Variants in AK9 observed in about 807,000 individuals in gnomAD.
AK9 encodes the protein adenylate kinase domain containing 1.
In AK9, 191 loss-of-function variants were observed where a neutral mutation model predicts 239.6. The ratio of observed to expected loss-of-function variants is 0.80; its 90% CI spans 0.71 to 0.90. The LOEUF (loss-of-function observed/expected upper bound fraction) is 0.90. Ranked by LOEUF, AK9 falls within the 40% of genes least tolerant of loss-of-function variation. The pLI is 0.00. For synonymous variants in AK9, 689 were observed against 721.0 expected, an observed-to-expected ratio of 0.96 and a Z score of 0.71; for missense variants, 1,995 against 2,214.7, an observed-to-expected ratio of 0.90 and a Z score of 1.99.
At chr6:109,639,762 T>C (rs1797168298) in intron 10 of AK9, among the ~76,000 whole-genome samples, 1 of 152,250 alleles carries the variant, frequency 6.6e-6, no homozygotes, top group South Asian at 2.1e-4. Flanking sequence ...GGTTTGCTTC[T>C]AGGGTTTTTA....
intron 21 of AK9, among the ~76,000 whole-genome samples, chr6:109,567,189 T>C (rs1362980270): frequency 6.6e-6 from 1 of 151,942 alleles, no homozygotes; most frequent in African/African-American, 2.4e-5. Flanking sequence ...CTAGCAAGAC[T>C]AATGAAGAAG....
chr6:109,533,201 T>C (rs1309862583), intron 28 of AK9, 50 bp downstream of exon 28: 2 of 1,428,334 alleles, frequency 1.4e-6, no homozygotes, highest in Non-Finnish European at 1.9e-6. Flanking sequence ...AATAGATCAC[T>C]AAACAGATGC....
chr6:109,599,007 T>C (rs1309882172), intron 17 of AK9, among the ~76,000 whole-genome samples: 4 of 152,226 alleles, frequency 2.6e-5, no homozygotes, highest in African/African-American at 9.6e-5. Flanking sequence ...GCAAAAATTT[T>C]CTCCCATTCT....
chr6:109,565,488 T>TAAAC (rs1286599519), intron 21 of AK9, among the ~76,000 whole-genome samples: 3,844 of 101,894 alleles, frequency 0.038, 62 homozygotes, highest in South Asian at 0.094. Flanking sequence ...AAAAAAAATT[T>TAAAC]TTTTTCAAGA....
At chr6:109,613,383 AT>A (rs1793803896) in intron 15 of AK9, among the ~76,000 whole-genome samples, 1 of 151,996 alleles carries the variant, frequency 6.6e-6, no homozygotes, top group African/African-American at 2.4e-5. Flanking sequence ...AAGAAGAAAT[AT>A]AAATGGTTAA....
intron 12 of AK9, among the ~76,000 whole-genome samples, chr6:109,625,403 T>C (rs1294218828): frequency 2.0e-5 from 3 of 152,186 alleles, no homozygotes; most frequent in Admixed American, 1.3e-4. Context: ...CTATTTAACA[T>C]ATCAATTTTT....
At position 109,533,237 on chromosome 6, in the gene AK9, T is replaced by C. The variant is rs1448324005; in HGVS notation, c.3570+14A>G. 6.4e-7 allele frequency: 1 copy of C among 1,573,472 alleles called. No homozygotes were observed. Among genetic ancestry groups the C allele is most frequent in the Non-Finnish European group, 8.6e-7 (1 of 1,156,948 alleles). ...TGAACAGATTTATTCAATGCATTTT[T>C]GCTAGATACATACCCTGATTTTTGC... On this transcript the variant is annotated intron_variant, in intron 28 of 40. Transcript: ENST00000424296.
chr6:109,689,908 T>C (rs182235149), intron 1 of AK9, among the ~76,000 whole-genome samples: 1 of 152,172 alleles, frequency 6.6e-6, no homozygotes, highest in Non-Finnish European at 1.5e-5. Flanking sequence ...CAGCTAACTA[T>C]TTTTCCCAGT....
chr6:109,495,264 A>C, intron 39 of AK9, 74 bp downstream of exon 39: 1 of 1,200,966 alleles, frequency 8.3e-7, no homozygotes, highest in Non-Finnish European at 1.2e-6. Context: ...TGTTCCCAAA[A>C]TGAAAATTAG....
At chr6:109,605,952 T>G (rs79529620) in intron 17 of AK9, among the ~76,000 whole-genome samples, 4 of 152,138 alleles carry the variant, frequency 2.6e-5, no homozygotes, top group Non-Finnish European at 4.4e-5. Flanking sequence ...GGCTGGGGAC[T>G]GTGCCTGTTG....
intron 26 of AK9, among the ~76,000 whole-genome samples, 170 bp downstream of exon 26, chr6:109,545,697 T>C (rs903183716): frequency 2.0e-5 from 3 of 152,094 alleles, no homozygotes; most frequent in Non-Finnish European, 4.4e-5. Context: ...AATGGACTAA[T>C]ACACCAAGGC....
intron 20 of AK9, among the ~76,000 whole-genome samples, chr6:109,579,055 G>C (rs1788484225): frequency 6.7e-6 from 1 of 148,680 alleles, no homozygotes; most frequent in South Asian, 2.3e-4. Flanking sequence ...TTTGCTCTAG[G>C]GTGTAGTTTA....
Position 109,493,544 on chromosome 6 carries a change from G to A in AK9, c.5561C>T (p.Thr1854Ile). The change falls in exon 41 of 41, where the codon ACA (threonine) becomes ATA (isoleucine). Residue 1854 changes from threonine to isoleucine, a missense_variant. Physicochemically the swap from Thr to Ile is moderately conservative, Grantham distance 89. Around this residue, in one of 5 missense-constraint regions of AK9, gnomAD observed 391 missense variants for 456.0 expected, o/e 0.86. Coordinates refer to ENST00000424296, the MANE Select transcript of AK9 (RefSeq NM_001145128.3). ...CATCTTCTTCTTATACTTTTTTCTT[G>A]TGTATTCGGAACCTTTGGGATTAAA... ...KAFNPKGSEY[T>I]RKKYKKKMEQ... is the part of the protein sequence containing the mutation. 1.2e-6 allele frequency: 2 copies of A among 1,613,716 alleles called. No homozygotes were observed. The highest frequency in any genetic ancestry group is 8.5e-7 in the Non-Finnish European group (1 of 1,179,926).
chr6:109,650,721 C>T (rs1180690004), intron 8 of AK9, among the ~76,000 whole-genome samples: 1 of 152,132 alleles, frequency 6.6e-6, no homozygotes, highest in African/African-American at 2.4e-5. Flanking sequence ...CCCAGCCATC[C>T]CATTACTGGG....
At chr6:109,622,676 G>A (rs2128253055) in intron 12 of AK9, among the ~76,000 whole-genome samples, 1 of 147,536 alleles carries the variant, frequency 6.8e-6, no homozygotes, top group African/African-American at 2.5e-5. Context: ...ATACATATAT[G>A]ATATATGATA....
In AK9 at chr6:109,514,828, C is replaced by T. The variant is rs148517067; in HGVS notation, c.4066-391G>A. On this transcript the variant is annotated intron_variant, in intron 31 of 40. Coordinates refer to ENST00000424296, the MANE Select transcript of AK9 (RefSeq NM_001145128.3). ...GGATTGAATTGTTTCTCCCTTACCT[C>T]CTCAATTTCTGTTTGAGGCCCTAGC... 4.5e-3 allele frequency among the ~76,000 whole-genome samples: 684 copies of T among 152,260 alleles called. 5 individuals carry two copies. The highest frequency in any genetic ancestry group is 8.2e-3 in the Non-Finnish European group (558 of 68,018).
At chr6:109,664,422 T>TTTTATTTA (rs1334677198) in intron 5 of AK9, among the ~76,000 whole-genome samples, 1 of 151,970 alleles carries the variant, frequency 6.6e-6, no homozygotes, top group Non-Finnish European at 1.5e-5. Flanking sequence ...TTATTTTTAT[T>TTTTATTTA]TTTATTTATT....
At chr6:109,530,180 T>G (rs1327011316) in intron 28 of AK9, among the ~76,000 whole-genome samples, 1 of 152,210 alleles carries the variant, frequency 6.6e-6, no homozygotes, top group Non-Finnish European at 1.5e-5. Context: ...CTCAGGACTC[T>G]GTAAACTGGT....
At chr6:109,495,211 G>T in intron 39 of AK9, 127 bp downstream of exon 39, 2 of 728,434 alleles carry the variant, frequency 2.7e-6, no homozygotes, top group Non-Finnish European at 4.3e-6. Context: ...TAGGCTGAGA[G>T]AATTTGCAGC....
Sources: gnomAD v4.1 joint callset for allele counts (sites outside exome capture counted in the v4.1 genomes callset) on GRCh38, gnomAD v4.1.1 for gene constraint, gnomAD v4.1.1 regional missense constraint, MANE v1.5 for transcripts, NCBI Gene and HGNC (gene_info 2026-07-23, HGNC 2026-07-21) for gene names.